The following SUCO variants were observed in gnomAD, a reference collection of about 807,000 sequenced individuals.
SUCO encodes the protein SUN domain-containing ossification factor.
In SUCO, 57 loss-of-function variants were observed where a neutral mutation model predicts 148.1. The ratio of observed to expected loss-of-function variants is 0.38; its 90% confidence interval spans 0.31 to 0.48. The LOEUF (loss-of-function observed/expected upper bound fraction) is 0.48. Ranked by LOEUF, SUCO falls within the 20% of genes least tolerant of loss-of-function variation. The pLI is 0.96. For synonymous variants in SUCO, 470 were observed against 502.7 expected (o/e 0.93, Z 0.87); for missense variants, 1,331 against 1,468.2 (o/e 0.91, Z 1.53).
rs900152197 is a variant in SUCO at position 172,557,907 on chromosome 1, T to C, written c.732+113T>C. ...TTGTCATAAAATCAGGGAGATTAAG[T>C]AGACAATAACATGTGGAACTAACAC... On this transcript the variant is annotated intron_variant, in intron 6 of 23. Coordinates refer to ENST00000263688, the MANE Select transcript of SUCO (RefSeq NM_014283.5). The C allele has an allele frequency of 1.1e-4, 94 of 827,874 alleles. 1 individual carries two copies. Among genetic ancestry groups the C allele is most frequent in the South Asian group, 9.3e-4 (45 of 48,152 alleles). 51.3% of individuals were successfully genotyped at this position (827,874 alleles called of 1,614,324 possible). A position where few individuals can be genotyped will look rare whatever the true frequency, so the allele number is the denominator to read the frequency against.
At position 172,555,913 on chromosome 1, in the gene SUCO, C is replaced by G. The variant is rs371342433; in HGVS notation, c.333C>G (p.Leu111=). Residue 111 remains leucine (L), a synonymous_variant, in exon 4 of 24, where the codon CTC becomes CTG. Transcript: ENST00000263688. ...TAAGTCCACCGGTGGTGGAGACACT[C>G]CCTACAGTTGATTTGCATGAAGAGT... ...KKLSPPVVET[L]PTVDLHEESS... is the part of the protein sequence containing the mutation. The G allele has an allele frequency of 1.2e-6, 2 of 1,612,468 alleles. No individual in the cohort carries two copies. The highest frequency in any genetic ancestry group is 1.7e-6 in the Non-Finnish European group (2 of 1,178,834).
upstream of SUCO, chr1:172,533,048 A>T: frequency 7.0e-7 from 1 of 1,431,208 alleles, no homozygotes; most frequent in South Asian, 1.5e-5. Flanking sequence ...GCGGTGTGTG[A>T]GGTGTCGCGG....
chr1:172,553,281 A>G lies in SUCO; in HGVS notation c.199A>G (p.Asn67Asp), dbSNP rs746886933. The G allele has an allele frequency of 6.3e-7, 1 of 1,596,412 alleles. No individual in the cohort carries two copies. Among genetic ancestry groups the G allele is most frequent in the Non-Finnish European group, 8.6e-7 (1 of 1,168,924 alleles). The change falls in exon 3 of 24, where the codon AAT becomes GAT. Residue 67 changes from asparagine (N) to aspartate (D), a missense_variant. By Grantham distance (23) the Asn-to-Asp change is conservative (BLOSUM62 1). Transcript: ENST00000263688. Reference protein sequence around the residue: ...QKKDEREGPINAESLGKSGSN... With the variant: ...QKKDEREGPIDAESLGKSGSN... ...ATAGGATGAAAGAGAGGGACCTATC[A>G]ATGCCGAATCATTGGGAAAATCAGG...
In SUCO at chr1:172,548,810, T is replaced by G. The variant is rs368258754; in HGVS notation, c.63-2702T>G. On this transcript the variant is annotated intron_variant, in intron 1 of 23. Coordinates refer to ENST00000263688, the MANE Select transcript of SUCO (RefSeq NM_014283.5). ...TATTTGGGAAATGTTCCACGTGTCC[T>G]TGAGAAGAATGTTTTAATTTATATG... 5.7e-4 allele frequency among the ~76,000 whole-genome samples: 86 copies of G among 152,136 alleles called. 3 individuals carry two copies. In the South Asian group the frequency reaches 0.017, roughly 30 times the overall value.
intron 3 of SUCO, among the ~76,000 whole-genome samples, chr1:172,554,376 T>G (rs1214970871): frequency 6.6e-6 from 1 of 152,232 alleles, no homozygotes; most frequent in Non-Finnish European, 1.5e-5. Flanking sequence ...TGTTGTTCAT[T>G]ACAGTAGCCA....
At position 172,570,701 on chromosome 1, in the gene SUCO, C is replaced by T. The variant is rs1211408160; in HGVS notation, c.1020C>T (p.Tyr340=). The change falls in exon 9 of 24, where the codon TAC becomes TAT. Residue 340 remains tyrosine (Y), a synonymous_variant. Coordinates refer to ENST00000263688, the MANE Select transcript of SUCO (RefSeq NM_014283.5). ...SAILIENMDL[Y]MLNPCSTKIW... ...TTCTTATAGAAAATATGGATCTTTACATGTTGAATCCTTGCAGCACTAAAA... is the reference window on the plus strand; with the variant it reads ...TTCTTATAGAAAATATGGATCTTTATATGTTGAATCCTTGCAGCACTAAAA... 6.2e-7 allele frequency: 1 copy of T among 1,607,908 alleles called. No individual in the cohort carries two copies. Among genetic ancestry groups the T allele is most frequent in the East Asian group, 2.2e-5 (1 of 44,710 alleles).
In SUCO at chr1:172,533,346, C is replaced by T. The variant is rs1280934071; in HGVS notation, c.-90C>T. On this transcript the variant is annotated 5_prime_UTR_variant, in exon 1 of 24. Coordinates refer to ENST00000263688, the MANE Select transcript of SUCO (RefSeq NM_014283.5). ...TAGGACTATCGGTCACATTCTCGCG[C>T]TCCTGCTCCGGCTCCTCCATCTTGG... 6 of 1,551,430 alleles carry T rather than the reference C, an allele frequency of 3.9e-6. No homozygotes were observed. Among genetic ancestry groups the T allele is most frequent in the African/African-American group, 2.7e-5 (2 of 73,032 alleles).
intron 19 of SUCO, among the ~76,000 whole-genome samples, chr1:172,598,500 G>A (rs1657279034): frequency 6.6e-6 from 1 of 152,168 alleles, no homozygotes; most frequent in Non-Finnish European, 1.5e-5. Context: ...TTGAGATTGT[G>A]TTGATGAATT....
chr1:172,567,092 TC>T (rs34500288), intron 6 of SUCO, among the ~76,000 whole-genome samples: 2 of 152,212 alleles, frequency 1.3e-5, no homozygotes, highest in African/African-American at 4.8e-5. Context: ...ATTGCTGTCT[TC>T]CTAAAGGGAG....
intron 15 of SUCO, among the ~76,000 whole-genome samples, chr1:172,582,178 A>G (rs1655924908): frequency 6.6e-6 from 1 of 152,114 alleles, no homozygotes; most frequent in African/African-American, 2.4e-5. Context: ...TGCTAAAGGG[A>G]GATAGGTGCA....
intron 11 of SUCO, 63 bp downstream of exon 11, chr1:172,575,686 T>C (rs1433609562): frequency 9.2e-7 from 1 of 1,088,722 alleles, no homozygotes; most frequent in Non-Finnish European, 1.4e-6. Flanking sequence ...TCACACTTTA[T>C]ACACCTCATC....
intron 19 of SUCO, among the ~76,000 whole-genome samples, chr1:172,593,699 G>C (rs540191009): frequency 2.8e-4 from 42 of 152,256 alleles, no homozygotes; most frequent in African/African-American, 9.9e-4. Context: ...GAGGATTTTT[G>C]CATCAATGTT....
At chr1:172,554,763 G>A (rs1267474557) in intron 3 of SUCO, among the ~76,000 whole-genome samples, 1 of 150,034 alleles carries the variant, frequency 6.7e-6, no homozygotes, top group East Asian at 2.0e-4. Context: ...AGCATGTAAA[G>A]TATCTCATTA....
intron 3 of SUCO, among the ~76,000 whole-genome samples, chr1:172,555,535 T>C (rs1308985343): frequency 6.6e-6 from 1 of 152,212 alleles, no homozygotes; most frequent in Non-Finnish European, 1.5e-5. Context: ...GTTTTGTACA[T>C]GTCCATAGGG....
intron 15 of SUCO, 76 bp downstream of exon 15, chr1:172,579,343 G>A (rs1213226964): frequency 1.1e-6 from 1 of 896,210 alleles, no homozygotes; most frequent in African/African-American, 1.7e-5. Context: ...GTCATGGTAT[G>A]GTTGAGGAGA....
chr1:172,580,862 G>C (rs918633885), intron 15 of SUCO, among the ~76,000 whole-genome samples: 4 of 152,146 alleles, frequency 2.6e-5, no homozygotes, highest in Non-Finnish European at 4.4e-5. Flanking sequence ...AGTACTTTGG[G>C]AGGCCTAGAT....
At chr1:172,546,680 G>A (rs1036766790) in intron 1 of SUCO, among the ~76,000 whole-genome samples, 6 of 152,246 alleles carry the variant, frequency 3.9e-5, no homozygotes, top group Admixed American at 1.3e-4. Context: ...AGGCCAAGGC[G>A]GGTGGATCAC....
intron 1 of SUCO, among the ~76,000 whole-genome samples, chr1:172,542,537 C>T (rs924659569): frequency 6.6e-6 from 1 of 152,128 alleles, no homozygotes; most frequent in African/African-American, 2.4e-5. Flanking sequence ...GCCTGAGCTC[C>T]ACCTCCTGTC....
intron 6 of SUCO, among the ~76,000 whole-genome samples, chr1:172,561,454 G>A (rs1455195087): frequency 6.6e-6 from 1 of 152,152 alleles, no homozygotes; most frequent in East Asian, 1.9e-4. Context: ...CAACCATGAA[G>A]GTGGTGCCCT....
Sources: gnomAD v4.1 joint callset for allele counts (sites outside exome capture counted in the v4.1 genomes callset) on GRCh38, gnomAD v4.1.1 for gene constraint, MANE v1.5 for transcripts, NCBI Gene and HGNC (gene_info 2026-07-23, HGNC 2026-07-21) for gene names.